Variants in SFXN1 observed in about 807,000 individuals in gnomAD.
SFXN1 encodes sideroflexin 1.
Under a neutral mutation model 39.5 loss-of-function variants are expected in SFXN1, and 32 were observed. The ratio of observed to expected loss-of-function variants is 0.81; its 90% CI spans 0.61 to 1.09. The LOEUF is 1.09. Among genes scored for constraint, SFXN1 ranks in the 50% least tolerant of loss-of-function variants. The probability of loss-of-function intolerance (pLI) is 0.00; values close to 1 mark genes in which losing one functional copy is unlikely to be tolerated. For missense variants in SFXN1, 402 were observed against 407.1 expected (o/e 0.99, Z 0.11); for synonymous variants, 136 against 146.5 (o/e 0.93, Z 0.52).
At chr5:175,506,653 A>T (rs191374677) in intron 2 of SFXN1, among the ~76,000 whole-genome samples, 2 of 152,248 alleles carry the variant, frequency 1.3e-5, no homozygotes, top group East Asian at 1.9e-4. Context: ...TACAGTACTT[A>T]AAAAGTTGGT....
intron 2 of SFXN1, among the ~76,000 whole-genome samples, chr5:175,496,892 CTCTT>C (rs920987461): frequency 8.4e-5 from 12 of 143,294 alleles, no homozygotes; most frequent in African/African-American, 1.9e-4. Context: ...CTGATAGATA[CTCTT>C]TCTTTTTTTT....
intron 1 of SFXN1, among the ~76,000 whole-genome samples, chr5:175,486,516 A>G (rs1759456658): frequency 6.6e-6 from 1 of 152,208 alleles, no homozygotes; most frequent in Non-Finnish European, 1.5e-5. Flanking sequence ...TAATCCCAGC[A>G]TTTTGGAGGC....
At chr5:175,503,580 ATAAT>A (rs1760162659) in intron 2 of SFXN1, among the ~76,000 whole-genome samples, 1 of 152,266 alleles carries the variant, frequency 6.6e-6, no homozygotes, top group Non-Finnish European at 1.5e-5. Context: ...TTCCCATAAA[ATAAT>A]TAATCAGCTA....
At chr5:175,497,350 A>G (rs1487545947) in intron 2 of SFXN1, among the ~76,000 whole-genome samples, 2 of 152,242 alleles carry the variant, frequency 1.3e-5, no homozygotes, top group Non-Finnish European at 2.9e-5. Flanking sequence ...TCATGTTTTA[A>G]GTATGACTGC....
chr5:175,485,219 A>C (rs1759405890), intron 1 of SFXN1, among the ~76,000 whole-genome samples: 1 of 152,220 alleles, frequency 6.6e-6, no homozygotes, highest in Non-Finnish European at 1.5e-5. Context: ...AATCCCTTTT[A>C]AGTAGAGGAA....
At chr5:175,521,142 C>A (rs1241366169) in intron 8 of SFXN1, among the ~76,000 whole-genome samples, 1 of 151,834 alleles carries the variant, frequency 6.6e-6, no homozygotes, top group East Asian at 1.9e-4. Flanking sequence ...TTTATATAAC[C>A]ATATATCTCA....
intron 8 of SFXN1, among the ~76,000 whole-genome samples, chr5:175,517,445 G>T (rs567828781): frequency 6.6e-6 from 1 of 152,216 alleles, no homozygotes; most frequent in South Asian, 2.1e-4. Flanking sequence ...AAGGTCCAGA[G>T]AGATGATCAG....
chr5:175,509,054 C>G lies in SFXN1; in HGVS notation c.187C>G (p.Leu63Val), dbSNP rs1370422948. The G allele has an allele frequency of 6.8e-6, 11 of 1,609,422 alleles. No homozygotes were observed. The highest frequency in any genetic ancestry group is 8.5e-6 in the Non-Finnish European group (10 of 1,178,292). The change falls in exon 3 of 11, where the codon CTT becomes GTT. Residue 63 changes from leucine (L) to valine (V), a missense_variant. Leu to Val is a conservative substitution (Grantham distance 32). Coordinates refer to ENST00000321442, the MANE Select transcript of SFXN1 (RefSeq NM_022754.7). ...TAGGCAAGGAATTGTTCCTCCTGGT[C>G]TTACAGAAAATGAATTGTGGAGAGC... Reference protein sequence around the residue: ...DYRQGIVPPGLTENELWRAKY... With the variant: ...DYRQGIVPPGVTENELWRAKY...
intron 3 of SFXN1, chr5:175,509,517 CTT>C (rs79308152): frequency 1.9e-4 from 32 of 165,606 alleles, no homozygotes; most frequent in Middle Eastern, 2.5e-3. Flanking sequence ...CTCTGGGACT[CTT>C]TTTTTTTTTA....
intron 9 of SFXN1, 108 bp downstream of exon 9, chr5:175,522,076 C>A: frequency 1.1e-6 from 1 of 881,384 alleles, no homozygotes; most frequent in Non-Finnish European, 1.7e-6. Context: ...ATGAGGCCAT[C>A]TCAGAACATC....
Position 175,528,895 on chromosome 5 carries a change from G to C in SFXN1, c.*2161G>C, listed in dbSNP as rs892977964. On this transcript the variant is annotated 3_prime_UTR_variant, in exon 11 of 11. Transcript: ENST00000321442. ...GCTAAGGCACTGCTGCCTGCCCCAGGTGTCCCGCTCCTCTCAGAGTCCTCC... is the reference window on the plus strand; with the variant it reads ...GCTAAGGCACTGCTGCCTGCCCCAGCTGTCCCGCTCCTCTCAGAGTCCTCC... The C allele has an allele frequency of 6.6e-6, 1 of 152,360 alleles. No individual in the cohort carries two copies. The highest frequency in any genetic ancestry group is 1.5e-5 in the Non-Finnish European group (1 of 68,192). The allele number at this position is 152,360 out of a possible 1,614,324, so 9.4% of individuals were successfully genotyped here.
At position 175,501,360 on chromosome 5, in the gene SFXN1, G is replaced by A. The variant is rs188663924; in HGVS notation, c.165-7672G>A. Among the ~76,000 whole-genome samples the A allele has an allele frequency of 5.9e-3, 899 of 152,196 alleles. 10 individuals are homozygous for A. The highest frequency in any genetic ancestry group is 0.021 in the African/African-American group (863 of 41,512). On this transcript the variant is annotated intron_variant, in intron 2 of 10. Coordinates refer to ENST00000321442, the MANE Select transcript of SFXN1 (RefSeq NM_022754.7). ...TGGGATTACAAGTGGGAGCCACCGC[G>A]CCCGGCAGTATGGGCAAACATTTCT...
At position 175,519,962 on chromosome 5, in the gene SFXN1, C is replaced by T. The variant is rs185719654; in HGVS notation, c.775-1957C>T. 8.0e-5 allele frequency among the ~76,000 whole-genome samples: 12 copies of T among 150,276 alleles called. 1 individual carries two copies. Among genetic ancestry groups the T allele is most frequent in the East Asian group, 3.9e-4 (2 of 5,100 alleles). On this transcript the variant is annotated intron_variant, in intron 8 of 10. Coordinates refer to ENST00000321442, the MANE Select transcript of SFXN1 (RefSeq NM_022754.7). ...TTGGCTCACTGCAAACTCTGCCTCC[C>T]GGGTTCAAGCAATTCTCCTGCCTCA...
At chr5:175,518,579 C>T (rs1199055638) in intron 8 of SFXN1, among the ~76,000 whole-genome samples, 1 of 152,126 alleles carries the variant, frequency 6.6e-6, no homozygotes, top group Non-Finnish European at 1.5e-5. Flanking sequence ...AGGTATCTTA[C>T]CCAACTGGTG....
chr5:175,482,815 G>A (rs1463164296), intron 1 of SFXN1, among the ~76,000 whole-genome samples: 3 of 152,150 alleles, frequency 2.0e-5, no homozygotes, highest in Non-Finnish European at 4.4e-5. Context: ...CTGAAATCTA[G>A]ATTATATTTG....
At chr5:175,506,390 A>T (rs963861418) in intron 2 of SFXN1, among the ~76,000 whole-genome samples, 4 of 152,200 alleles carry the variant, frequency 2.6e-5, no homozygotes, top group Admixed American at 6.5e-5. Flanking sequence ...GTAATTTTTT[A>T]AAAAAAGACT....
intron 2 of SFXN1, 28 bp from the exon 3 acceptor site, chr5:175,509,004 A>G (rs917314681): frequency 6.3e-7 from 1 of 1,581,934 alleles, no homozygotes; most frequent in South Asian, 1.2e-5. Flanking sequence ...GAAATGAGCA[A>G]TTGCCATATT....
chr5:175,523,220 G>C (rs146259067), intron 10 of SFXN1: 1 of 152,266 alleles, frequency 6.6e-6, no homozygotes, highest in African/African-American at 2.4e-5. Context: ...CTCTGTCTCC[G>C]ACCCTGCTGT....
At position 175,524,120 on chromosome 5, in the gene SFXN1, AAAAAAATATATATATATATATATAT is replaced by A. The variant is rs1221967890; in HGVS notation, c.872+1700_872+1724del. ...TTCTGTCTCAAAAAAAAAAAAAAAA[AAAAAAATATATATATATATATATAT>A]ATATATATATATATATATATATATA... On this transcript the variant is annotated intron_variant, in intron 10 of 10. Coordinates refer to ENST00000321442, the MANE Select transcript of SFXN1 (RefSeq NM_022754.7). The A allele has an allele frequency of 7.9e-3, 301 of 38,052 alleles. 9 individuals are homozygous for A. The highest frequency in any genetic ancestry group is 0.032 in the African/African-American group (279 of 8,660). 2.4% of individuals were successfully genotyped at this position (38,052 alleles called of 1,614,324 possible).
Sources: allele counts gnomAD v4.1 joint callset (sites outside exome capture counted in the v4.1 genomes callset), GRCh38; gene constraint gnomAD v4.1.1; transcripts MANE v1.5; gene names NCBI Gene and HGNC (gene_info 2026-07-23, HGNC 2026-07-21).